The following UQCC1 variants were observed in gnomAD, a reference collection of about 807,000 sequenced individuals.
The protein encoded by UQCC1 is bFGF-repressed Zic-binding protein.
Under a neutral mutation model 48.0 loss-of-function variants are expected in UQCC1, and 38 were observed. The ratio of observed to expected loss-of-function variants is 0.79; its 90% CI spans 0.61 to 1.04. The LOEUF is 1.04. UQCC1 is among the 50% of genes least tolerant of loss of function. UQCC1 has a pLI of 0.00. For missense variants in UQCC1, 368 were observed against 381.8 expected (o/e 0.96, Z 0.30); for synonymous variants, 111 against 129.2 (o/e 0.86, Z 0.95).
Position 35,384,142 on chromosome 20 carries a change from T to C in UQCC1, c.130-9A>G. 6.2e-7 allele frequency: 1 copy of C among 1,607,078 alleles called. No homozygotes were observed. Among genetic ancestry groups the C allele is most frequent in the Non-Finnish European group, 8.5e-7 (1 of 1,174,120 alleles). ...TGGCTCATCTGGGGCCACTGAAGAA[T>C]AAAAACACAGATCTATGCAACACTG... On this transcript the variant is annotated splice_polypyrimidine_tract_variant and intron_variant, in intron 2 of 9. Coordinates refer to ENST00000374385, the MANE Select transcript of UQCC1 (RefSeq NM_018244.5).
chr20:35,392,235 C>T (rs1407913708), intron 2 of UQCC1: 1 of 1,304,052 alleles, frequency 7.7e-7, no homozygotes, highest in African/African-American at 1.5e-5. Context: ...GAGACATGTA[C>T]CTGAGGATGC....
intron 6 of UQCC1, among the ~76,000 whole-genome samples, chr20:35,364,154 T>C (rs1314986511): frequency 6.6e-6 from 1 of 152,150 alleles, no homozygotes; most frequent in Non-Finnish European, 1.5e-5. Context: ...TTGCTCCTAT[T>C]ATTCCCTCAA....
At chr20:35,307,971 G>A (rs1401364645) in intron 8 of UQCC1, among the ~76,000 whole-genome samples, 1 of 152,180 alleles carries the variant, frequency 6.6e-6, no homozygotes, top group East Asian at 1.9e-4. Flanking sequence ...AGTCAAACAA[G>A]CCTAATAATA....
At chr20:35,350,398 CAGA>C (rs2061477997) in intron 6 of UQCC1, among the ~76,000 whole-genome samples, 1 of 152,160 alleles carries the variant, frequency 6.6e-6, no homozygotes, top group Non-Finnish European at 1.5e-5. Context: ...GGGTATCTGA[CAGA>C]AGGTTGACAA....
intron 7 of UQCC1, among the ~76,000 whole-genome samples, chr20:35,321,276 G>T (rs2061123296): frequency 6.7e-6 from 1 of 149,046 alleles, no homozygotes; most frequent in Non-Finnish European, 1.5e-5. Context: ...GTGTGTGTGT[G>T]TGTGTGTGCG....
At chr20:35,318,737 C>G (rs985313294) in intron 7 of UQCC1, among the ~76,000 whole-genome samples, 4 of 152,216 alleles carry the variant, frequency 2.6e-5, no homozygotes, top group African/African-American at 7.2e-5. Context: ...ACGTGATCTG[C>G]AGGCAACAGG....
At chr20:35,376,790 C>A in intron 4 of UQCC1, among the ~76,000 whole-genome samples, 1 of 151,966 alleles carries the variant, frequency 6.6e-6, no homozygotes, top group Admixed American at 6.6e-5. Context: ...TGGTGAAACT[C>A]CATCTCTACT....
At chr20:35,369,593 T>C (rs1312936031) in intron 5 of UQCC1, among the ~76,000 whole-genome samples, 1 of 152,230 alleles carries the variant, frequency 6.6e-6, no homozygotes, top group African/African-American at 2.4e-5. Context: ...TCTTTGACTC[T>C]ACCTCTCACT....
At chr20:35,401,938 G>T (rs896565819) in intron 1 of UQCC1, among the ~76,000 whole-genome samples, 2 of 151,918 alleles carry the variant, frequency 1.3e-5, no homozygotes, top group Non-Finnish European at 2.9e-5. Context: ...TGGGATTACA[G>T]GCATGAGCCA....
rs75909303 is a variant in UQCC1 at position 35,394,103 on chromosome 20, G to C, written c.118C>G (p.Arg40Gly). The C allele has an allele frequency of 1.3e-3, 2,031 of 1,613,580 alleles. 29 individuals carry two copies. In the African/African-American group the frequency reaches 0.024, roughly 19 times the overall value. ...ACAACAAATCTTACCTGGGAAGTGC[G>C]AGACAGAGCCCTGTCCCCCTGTCCT... ...TQGQGDRALS[R>G]TSQWPQMSQS... The change falls in exon 2 of 10, where the codon CGC becomes GGC. Residue 40 changes from arginine to glycine, a missense_variant. Transcript: ENST00000374385.
At chr20:35,396,576 A>T (rs2146521274) in intron 1 of UQCC1, among the ~76,000 whole-genome samples, 1 of 152,262 alleles carries the variant, frequency 6.6e-6, no homozygotes, top group East Asian at 1.9e-4. Flanking sequence ...AGGAGGAGGA[A>T]ACTAGGGTAG....
Position 35,303,797 on chromosome 20 carries a change from C to T in UQCC1, c.*138G>A. ...GGGCACACTAAGAGGAAACTCAACA[C>T]AAATGGGGCCAGGTATTTGACAGAT... On this transcript the variant is annotated 3_prime_UTR_variant, in exon 10 of 10. Coordinates refer to ENST00000374385, the MANE Select transcript of UQCC1 (RefSeq NM_018244.5). 8.0e-7 allele frequency: 1 copy of T among 1,242,888 alleles called. No homozygotes were observed. Among genetic ancestry groups the T allele is most frequent in the Non-Finnish European group, 1.1e-6 (1 of 876,554 alleles). The allele number at this position is 1,242,888 out of a possible 1,614,324, so 77.0% of individuals were successfully genotyped here.
intron 7 of UQCC1, among the ~76,000 whole-genome samples, chr20:35,338,066 T>G (rs1462874181): frequency 6.6e-6 from 1 of 151,542 alleles, no homozygotes; most frequent in Non-Finnish European, 1.5e-5. Flanking sequence ...CTCTGAAAAA[T>G]AATTGTAAAA....
At position 35,384,118 on chromosome 20, in the gene UQCC1, G is replaced by A; in HGVS notation, c.145C>T (p.Gln49Ter). Residue 49 changes from glutamine to a stop codon, truncating the protein, a stop_gained, in exon 3 of 10, where the codon CAG becomes TAG. Transcript: ENST00000374385. LOFTEE classifies it high-confidence loss of function. ...TCTGATCCACCACATGCTCGGGACT[G>A]GCTCATCTGGGGCCACTGAAGAATA... ...SRTSQWPQMS[Q>*]SRACGGSEQI... 1 of 1,612,458 alleles carries A rather than the reference G, an allele frequency of 6.2e-7. No homozygotes were observed. Among genetic ancestry groups the A allele is most frequent in the South Asian group, 1.1e-5 (1 of 91,074 alleles).
At chr20:35,376,329 G>A (rs1183709458) in intron 4 of UQCC1, among the ~76,000 whole-genome samples, 1 of 151,834 alleles carries the variant, frequency 6.6e-6, no homozygotes, top group Non-Finnish European at 1.5e-5. Context: ...CAATAAAATT[G>A]ATAACCTATA....
At chr20:35,404,663 T>TA (rs569653118) in intron 1 of UQCC1, among the ~76,000 whole-genome samples, 13 of 48,286 alleles carry the variant, frequency 2.7e-4, no homozygotes, top group Non-Finnish European at 4.1e-4. Context: ...ACTTAAAGTA[T>TA]AAAAAAAAAA....
At chr20:35,343,772 C>T (rs73280153) in intron 7 of UQCC1, among the ~76,000 whole-genome samples, 11 of 152,286 alleles carry the variant, frequency 7.2e-5, no homozygotes, top group Non-Finnish European at 1.6e-4. Flanking sequence ...CCCCACCCTG[C>T]GTCACTAGCA....
At chr20:35,312,407 T>C (rs1223854840) in intron 8 of UQCC1, among the ~76,000 whole-genome samples, 1 of 152,314 alleles carries the variant, frequency 6.6e-6, no homozygotes, top group South Asian at 2.1e-4. Context: ...TGTCCTTTTA[T>C]GCATTTCTCA....
Position 35,303,862 on chromosome 20 carries a change from C to T in UQCC1, c.*73G>A. On this transcript the variant is annotated 3_prime_UTR_variant, in exon 10 of 10. Transcript: ENST00000374385. ...AGTTCAGGCCACTTTCTGCAGGGTCCTGGACCAACAGGCACTTCTCTCCTG... is the reference window on the plus strand; with the variant it reads ...AGTTCAGGCCACTTTCTGCAGGGTCTTGGACCAACAGGCACTTCTCTCCTG... The T allele has an allele frequency of 6.2e-7, 1 of 1,609,470 alleles. No homozygotes were observed. Among genetic ancestry groups the T allele is most frequent in the Non-Finnish European group, 8.5e-7 (1 of 1,176,666 alleles).
Sources: allele counts gnomAD v4.1 joint callset (sites outside exome capture counted in the v4.1 genomes callset), GRCh38; gene constraint gnomAD v4.1.1; transcripts MANE v1.5; gene names NCBI Gene and HGNC (gene_info 2026-07-23, HGNC 2026-07-21).